MUC3A: variants seen among roughly 807,000 people sequenced by gnomAD.
MUC3A encodes the protein mucin 3A, cell surface associated.
A neutral mutation model predicts 109.0 loss-of-function variants in MUC3A; 109 were observed. The ratio of observed to expected loss-of-function variants is 1.00; its 90% confidence interval spans 0.86 to 1.17. The LOEUF is 1.17. Among genes scored for constraint, MUC3A ranks in the 50% most tolerant of loss-of-function variants. The probability of loss-of-function intolerance (pLI) is 0.00; values close to 1 mark genes in which losing one functional copy is unlikely to be tolerated. For synonymous variants in MUC3A, 1,398 were observed against 981.4 expected (o/e 1.42, Z -7.93); for missense variants, 3,537 against 2,469.4 (o/e 1.43, Z -9.16).
In MUC3A at chr7:100,952,780, C is replaced by G. The variant is rs1015968539; in HGVS notation, c.1001C>G (p.Thr334Ser). Reference protein sequence around the residue: ...TISRSTPTSETTYTTSPTSTV... With the variant: ...TISRSTPTSESTYTTSPTSTV... Reference sequence around the variant, plus strand: ...AGCAGGTCTACACCTACATCTGAGACCACCTACACTACTTCTCCCACCAGC... The same window carrying G: ...AGCAGGTCTACACCTACATCTGAGAGCACCTACACTACTTCTCCCACCAGC... Residue 334 changes from threonine to serine, a missense_variant, in exon 2 of 12, where the codon ACC (threonine) becomes AGC (serine). By Grantham distance (58) the Thr-to-Ser change is moderately conservative (BLOSUM62 1). Transcript: ENST00000379458. 2 of 1,557,542 alleles carry G rather than the reference C, an allele frequency of 1.3e-6. No individual in the cohort carries two copies. The highest frequency in any genetic ancestry group is 1.4e-5 in the African/African-American group (1 of 73,740).
chr7:100,966,872 T>G, intron 10 of MUC3A, 27 bp from the exon 11 acceptor site: 1 of 1,598,244 alleles, frequency 6.3e-7, no homozygotes, highest in Non-Finnish European at 8.5e-7. Flanking sequence ...TCTCCCCTTC[T>G]CTTTCTCCGC....
chr7:100,959,629 C>T lies in MUC3A; in HGVS notation c.7850C>T (p.Ser2617Leu), dbSNP rs1792245664. Residue 2617 changes from serine (S) to leucine (L), a missense_variant, in exon 2 of 12, where the codon TCA (serine) becomes TTA (leucine). By Grantham distance (145) the Ser-to-Leu change is moderately radical (BLOSUM62 -2). Transcript: ENST00000379458. ...STSTLHTLTP[S>L]TALSTIVSTS... ...TCCACTCTTCATACTCTTACTCCAT[C>T]AACAGCCTTGAGCACGATCGTGTCA... 6.3e-7 allele frequency: 1 copy of T among 1,598,476 alleles called. No individual in the cohort carries two copies.
chr7:100,960,041 A>T lies in MUC3A; in HGVS notation c.8262A>T (p.Glu2754Asp), dbSNP rs1422730640. 9.3e-6 allele frequency: 14 copies of T among 1,509,844 alleles called. No homozygotes were observed. Among genetic ancestry groups the T allele is most frequent in the Non-Finnish European group, 1.2e-5 (14 of 1,140,356 alleles). The allele number at this position is 1,509,844 out of a possible 1,614,324, so 93.5% of individuals were successfully genotyped here. Residue 2754 changes from glutamate (E) to aspartate (D), a missense_variant, in exon 2 of 12, where the codon GAA becomes GAT. Transcript: ENST00000379458. ...TSSSLTTALTEITPFSYISLP... is the reference protein window; with the variant it reads ...TSSSLTTALTDITPFSYISLP... Reference sequence around the variant, plus strand: ...CCTCTCTGACCACAGCTCTCACTGAAATAACCCCCTTTTCTTATATTTCCC... The same window carrying T: ...CCTCTCTGACCACAGCTCTCACTGATATAACCCCCTTTTCTTATATTTCCC...
Position 100,959,532 on chromosome 7 carries a change from A to T in MUC3A, c.7753A>T (p.Thr2585Ser), listed in dbSNP as rs772937601. Reference sequence around the variant, plus strand: ...CCCAACACAGACCCCTCCTGTACTGACGTCAGCCACTGGGACCCAAACATC... The same window carrying T: ...CCCAACACAGACCCCTCCTGTACTGTCGTCAGCCACTGGGACCCAAACATC... ...ETPTQTPPVL[T>S]SATGTQTSPA... The change falls in exon 2 of 12, where the codon ACG becomes TCG. Residue 2585 changes from threonine (T) to serine (S), a missense_variant. By Grantham distance (58) the Thr-to-Ser change is moderately conservative (BLOSUM62 1). Transcript: ENST00000379458. 3 of 1,591,224 alleles carry T rather than the reference A, an allele frequency of 1.9e-6. No homozygotes were observed. Among genetic ancestry groups the T allele is most frequent in the East Asian group, 2.2e-5 (1 of 44,870 alleles).
intron 3 of MUC3A, among the ~76,000 whole-genome samples, chr7:100,961,324 G>T (rs1291978569): frequency 2.5e-5 from 3 of 119,110 alleles, no homozygotes; most frequent in African/African-American, 6.6e-5. Context: ...GGGCTGTGTT[G>T]TCTTTCAGCG....
intron 6 of MUC3A, 148 bp downstream of exon 6, chr7:100,964,991 T>A (rs2116221909): frequency 3.8e-6 from 5 of 1,300,052 alleles, no homozygotes; most frequent in East Asian, 2.5e-5. Context: ...CACAACGGTG[T>A]CAAGGGTGGG....
chr7:100,958,738 G>T lies in MUC3A; in HGVS notation c.6959G>T (p.Ser2320Ile). Residue 2320 changes from serine to isoleucine, a missense_variant, in exon 2 of 12, where the codon AGT (serine) becomes ATT (isoleucine). Coordinates refer to ENST00000379458, the MANE Select transcript of MUC3A (RefSeq NM_005960.2). The stretch of plus-strand genomic sequence containing the variant: ...ACCACCACGGAGACCACCTCACACA[G>T]TGCTCACAGCTTCACTTCTTCGATC... Reference protein sequence around the residue: ...SITTTETTSHSAHSFTSSITT... With the variant: ...SITTTETTSHIAHSFTSSITT... The T allele has an allele frequency of 7.6e-7, 1 of 1,318,056 alleles. No homozygotes were observed. Among genetic ancestry groups the T allele is most frequent in the African/African-American group, 3.0e-5 (1 of 33,152 alleles). 81.6% of individuals were successfully genotyped at this position (1,318,056 alleles called of 1,614,324 possible).
chr7:100,962,819 T>TTCTTTCTTTCTCTCTCTCTCTCTCTC (rs1792380993), intron 3 of MUC3A, among the ~76,000 whole-genome samples: 1 of 52,302 alleles, frequency 1.9e-5, no homozygotes, highest in Non-Finnish European at 3.7e-5. Flanking sequence ...CTCTCTTTCT[T>TTCTTTCTTTCTCTCTCTCTCTCTCTC]TCTTTCTTTC....
In MUC3A at chr7:100,959,591, G is replaced by A. The variant is rs776935752; in HGVS notation, c.7812G>A (p.Thr2604=). 4.7e-5 allele frequency: 75 copies of A among 1,596,912 alleles called. No individual in the cohort carries two copies. Among genetic ancestry groups the A allele is most frequent in the South Asian group, 9.9e-5 (9 of 90,826 alleles). Residue 2604 remains threonine, a synonymous_variant, in exon 2 of 12, where the codon ACG becomes ACA. Coordinates refer to ENST00000379458, the MANE Select transcript of MUC3A (RefSeq NM_005960.2). ...CTACTACTGTCACCTTTGGAAGTAC[G>A]GATTCCTCCACGTCCACTCTTCATA... ...PAPTTVTFGS[T]DSSTSTLHTL...
At chr7:100,965,220 A>G in intron 6 of MUC3A, 62 bp from the exon 7 acceptor site, 1 of 1,566,660 alleles carries the variant, frequency 6.4e-7, no homozygotes, top group Non-Finnish European at 8.6e-7. Context: ...CCTGGCGCTA[A>G]CCCCTTGACC....
In MUC3A at chr7:100,967,645, G is replaced by T. The variant is rs2116232803; in HGVS notation, c.*483G>T. ...GTTTCTTACTTTGAACCTGGAGGCAGCCTGCAGCCCCATCCCATCTCCTGC... is the reference window on the plus strand; with the variant it reads ...GTTTCTTACTTTGAACCTGGAGGCATCCTGCAGCCCCATCCCATCTCCTGC... On this transcript the variant is annotated 3_prime_UTR_variant, in exon 12 of 12. Coordinates refer to ENST00000379458, the MANE Select transcript of MUC3A (RefSeq NM_005960.2). 6 of 250,974 alleles carry T rather than the reference G, an allele frequency of 2.4e-5. No homozygotes were observed. In the South Asian group the frequency reaches 3.2e-4, roughly 13 times the overall value. The allele number at this position is 250,974 out of a possible 1,614,324, so 15.5% of individuals were successfully genotyped here. A position where few individuals can be genotyped will look rare whatever the true frequency, so the allele number is the denominator to read the frequency against.
chr7:100,967,028 G>A (rs1170860518), intron 11 of MUC3A, 77 bp downstream of exon 11: 3 of 1,598,326 alleles, frequency 1.9e-6, no homozygotes, highest in African/African-American at 1.3e-5. Flanking sequence ...CCCCACCAGG[G>A]CAGGGAGGGG....
Position 100,953,525 on chromosome 7 carries a change from A to C in MUC3A, c.1746A>C (p.Thr582=). 6.6e-6 allele frequency: 3 copies of C among 453,974 alleles called. No individual in the cohort carries two copies. The highest frequency in any genetic ancestry group is 1.1e-5 in the Non-Finnish European group (3 of 261,632). 28.1% of individuals were successfully genotyped at this position (453,974 alleles called of 1,614,324 possible). A position where few individuals can be genotyped will look rare whatever the true frequency, so the allele number is the denominator to read the frequency against. Residue 582 remains threonine (T), a synonymous_variant, in exon 2 of 12, where the codon ACA becomes ACC. Transcript: ENST00000379458. ...CCACCACCTCATTCACAACTTCCAC[A>C]ACTATGGAACCACCTTCAACCACTG... ...PTTTTSFTTS[T]TMEPPSTTAA...
intron 3 of MUC3A, among the ~76,000 whole-genome samples, chr7:100,961,965 C>CATGGGCATGGTGG: frequency 2.3e-5 from 1 of 43,482 alleles, no homozygotes; most frequent in Admixed American, 2.6e-4. Flanking sequence ...TAAAAACTTA[C>CATGGGCATGGTGG]CTCACGCCTG....
chr7:100,959,420 C>A lies in MUC3A; in HGVS notation c.7641C>A (p.Thr2547=), dbSNP rs1644541381. The change falls in exon 2 of 12, where the codon ACC becomes ACA. Residue 2547 remains threonine, a synonymous_variant. Coordinates refer to ENST00000379458, the MANE Select transcript of MUC3A (RefSeq NM_005960.2). ...TSSLVGTTSP[T]MSTVRMTLRI... is the part of the protein sequence containing the mutation. ...CCCTTGTGGGCACCACCTCTCCCAC[C>A]ATGTCCACTGTGAGAATGACCCTCA... The A allele has an allele frequency of 6.5e-7, 1 of 1,539,096 alleles. No homozygotes were observed. The highest frequency in any genetic ancestry group is 8.7e-7 in the Non-Finnish European group (1 of 1,154,326).
intron 1 of MUC3A, among the ~76,000 whole-genome samples, chr7:100,951,336 G>T (rs951912960): frequency 2.6e-5 from 4 of 152,296 alleles, no homozygotes; most frequent in Non-Finnish European, 4.4e-5. Flanking sequence ...TTTGTGATGC[G>T]CCCCCTGCCA....
intron 8 of MUC3A, 183 bp downstream of exon 8, chr7:100,966,049 T>TCGCCCGAAAGTGTAGCCCCGCCTCC: frequency 1.2e-6 from 1 of 855,048 alleles, no homozygotes; most frequent in Non-Finnish European, 1.7e-6. Context: ...GCTCTGCTCC[T>TCGCCCGAAAGTGTAGCCCCGCCTCC]TTGATGGGGT....
chr7:100,967,311 CCTT>C lies in MUC3A; in HGVS notation c.*152_*154del, dbSNP rs1792632390. ...ATGAGACTGTTCCCCCAAATCCCAT[CCTT>C]CTCCTTCCAACTTGGCTGAAACCCA... On this transcript the variant is annotated 3_prime_UTR_variant, in exon 12 of 12. Coordinates refer to ENST00000379458, the MANE Select transcript of MUC3A (RefSeq NM_005960.2). The C allele has an allele frequency of 7.7e-6, 10 of 1,297,888 alleles. No homozygotes were observed. Among genetic ancestry groups the C allele is most frequent in the Middle Eastern group, 4.1e-4 (2 of 4,898 alleles). 80.4% of individuals were successfully genotyped at this position (1,297,888 alleles called of 1,614,324 possible).
Position 100,959,402 on chromosome 7 carries a change from G to T in MUC3A, c.7623G>T (p.Val2541=). Residue 2541 remains valine (V), a synonymous_variant, in exon 2 of 12, where the codon GTG becomes GTT. Transcript: ENST00000379458. ...SIQSTETSSL[V]GTTSPTMSTV... Reference sequence around the variant, plus strand: ...AAAGTACAGAAACCTCATCCCTTGTGGGCACCACCTCTCCCACCATGTCCA... The same window carrying T: ...AAAGTACAGAAACCTCATCCCTTGTTGGCACCACCTCTCCCACCATGTCCA... The T allele has an allele frequency of 1.1e-5, 17 of 1,536,898 alleles. No individual in the cohort carries two copies. The highest frequency in any genetic ancestry group is 1.5e-5 in the Non-Finnish European group (17 of 1,152,696).
Sources: gnomAD v4.1 joint callset for allele counts (sites outside exome capture counted in the v4.1 genomes callset) on GRCh38, gnomAD v4.1.1 for gene constraint, MANE v1.5 for transcripts, NCBI Gene and HGNC (gene_info 2026-07-23, HGNC 2026-07-21) for gene names.